The following LRP1 variants were observed in gnomAD, a reference collection of about 807,000 sequenced individuals.
LRP1 encodes prolow-density lipoprotein receptor-related protein 1.
Under a neutral mutation model 541.5 loss-of-function variants are expected in LRP1, and 51 were observed. That is an observed-to-expected ratio of 0.09 (90% CI 0.08 to 0.12). The LOEUF is 0.12. LRP1 is among the 10% of genes least tolerant of loss of function. LRP1 has a pLI of 1.00. For missense variants in LRP1, 3,878 were observed against 6,376.2 expected, an observed-to-expected ratio of 0.61 and a Z score of 13.34; for synonymous variants, 2,219 against 2,470.8, an observed-to-expected ratio of 0.90 and a Z score of 3.02.
rs775036140 is a variant in LRP1, at chr12:57,211,389, C to T, written c.13091+39C>T. On this transcript the variant is annotated intron_variant, in intron 84 of 88. Coordinates refer to ENST00000243077, the MANE Select transcript of LRP1 (RefSeq NM_002332.3). The surrounding 1 kb of genome is among the most constrained non-coding windows in gnomAD (Gnocchi z 4.3). The stretch of plus-strand genomic sequence containing the variant: ...TCCTCCACAGTTCCACCCAGCTGGG[C>T]CCCTGCCCTGTCCTAGCCCTGCCCT... 2.5e-6 allele frequency: 4 copies of T among 1,610,458 alleles called. No individual in the cohort carries two copies. Among genetic ancestry groups the T allele is most frequent in the Non-Finnish European group, 3.4e-6 (4 of 1,178,732 alleles).
chr12:57,146,508 C>G lies in LRP1; in HGVS notation c.841+1018C>G, dbSNP rs1158965946. ...GCCTCTCTAGAAGATCTTCAAGTTTCTTTATTTGGTTCTTGTGATGAAAAG... is the reference window on the plus strand; with the variant it reads ...GCCTCTCTAGAAGATCTTCAAGTTTGTTTATTTGGTTCTTGTGATGAAAAG... On this transcript the variant is annotated intron_variant, in intron 6 of 88. Transcript: ENST00000243077. 4 of 152,252 alleles carry G rather than the reference C, an allele frequency of 2.6e-5. No homozygotes were observed. The South Asian group carries it at 8.3e-4, about 32-fold the overall frequency. 9.4% of individuals were successfully genotyped at this position (152,252 alleles called of 1,614,324 possible).
chr12:57,130,617 GA>G (rs983569595), intron 1 of LRP1, among the ~76,000 whole-genome samples: 2 of 151,854 alleles, frequency 1.3e-5, no homozygotes, highest in Non-Finnish European at 2.9e-5. Context: ...GGGAGGAATA[GA>G]AAAAAAATTT....
intron 20 of LRP1, among the ~76,000 whole-genome samples, chr12:57,170,820 G>GA (rs1350588759): frequency 2.0e-5 from 3 of 151,080 alleles, no homozygotes; most frequent in East Asian, 1.9e-4. Flanking sequence ...TGTCTCAAAA[G>GA]AAAAAAAAAG....
At chr12:57,188,902 A>C (rs1357367868) in intron 42 of LRP1, among the ~76,000 whole-genome samples, 1 of 152,178 alleles carries the variant, frequency 6.6e-6, no homozygotes, top group Admixed American at 6.5e-5. Context: ...CCCAGTGCCC[A>C]GGAGAAAGAG....
chr12:57,197,396 A>G lies in LRP1; in HGVS notation c.9162+12A>G, dbSNP rs773584523. The G allele has an allele frequency of 1.2e-6, 2 of 1,611,350 alleles. No individual in the cohort carries two copies. Among genetic ancestry groups the G allele is most frequent in the South Asian group, 2.2e-5 (2 of 90,850 alleles). ...CGTTACTTAAGCAGGTACCAAACCCAGGCCCTCCTCCCCGCTGCCCATCTC... is the reference window on the plus strand; with the variant it reads ...CGTTACTTAAGCAGGTACCAAACCCGGGCCCTCCTCCCCGCTGCCCATCTC... On this transcript the variant is annotated intron_variant, in intron 57 of 88. Transcript: ENST00000243077. The surrounding 1 kb of genome is among the most constrained non-coding windows in gnomAD (Gnocchi z 4.5).
At position 57,173,324 on chromosome 12, in the gene LRP1, G is replaced by A; in HGVS notation, c.3320G>A (p.Ser1107Asn). 6.2e-7 allele frequency: 1 copy of A among 1,613,766 alleles called. No individual in the cohort carries two copies. The highest frequency in any genetic ancestry group is 2.2e-5 in the East Asian group (1 of 44,870). ...CEGVTHVCDP[S>N]VKFGCKDSAR... Reference sequence around the variant, plus strand: ...GGAGTGACCCACGTCTGCGATCCCAGTGTCAAGTTTGGCTGCAAGGACTCA... The same window carrying A: ...GGAGTGACCCACGTCTGCGATCCCAATGTCAAGTTTGGCTGCAAGGACTCA... Residue 1107 changes from serine to asparagine, a missense_variant, in exon 21 of 89, where the codon AGT becomes AAT. Physicochemically the swap from Ser to Asn is conservative, Grantham distance 46. Coordinates refer to ENST00000243077, the MANE Select transcript of LRP1 (RefSeq NM_002332.3). The surrounding 1 kb of genome is among the most constrained non-coding windows in gnomAD (Gnocchi z 4.7).
At chr12:57,148,522 A>G (rs936347418) in intron 6 of LRP1, among the ~76,000 whole-genome samples, 1 of 152,060 alleles carries the variant, frequency 6.6e-6, no homozygotes, top group African/African-American at 2.4e-5. Flanking sequence ...GCCTCCTGCC[A>G]GGCTGCCCCT....
chr12:57,181,185 C>T lies in LRP1; in HGVS notation c.5556C>T (p.Val1852=), dbSNP rs1485817610. The part of the protein sequence containing the change: ...LDHKGTNPCS[V]NNGDCSQLCL... ...ATAAGGGCACCAACCCCTGCAGTGT[C>T]AACAACGGTGACTGCTCCCAGCTCT... The change falls in exon 34 of 89, where the codon GTC becomes GTT. Residue 1852 remains valine, a synonymous_variant. Coordinates refer to ENST00000243077, the MANE Select transcript of LRP1 (RefSeq NM_002332.3). 1.2e-6 allele frequency: 2 copies of T among 1,613,794 alleles called. No individual in the cohort carries two copies. The highest frequency in any genetic ancestry group is 2.2e-5 in the South Asian group (2 of 91,080).
At position 57,212,780 on chromosome 12, in the gene LRP1, G is replaced by A; in HGVS notation, c.*225G>A. 1.9e-6 allele frequency: 1 copy of A among 524,176 alleles called. No homozygotes were observed. Among genetic ancestry groups the A allele is most frequent in the Non-Finnish European group, 3.3e-6 (1 of 299,124 alleles). 32.5% of individuals were successfully genotyped at this position (524,176 alleles called of 1,614,324 possible). A position where few individuals can be genotyped will look rare whatever the true frequency, so the allele number is the denominator to read the frequency against. On this transcript the variant is annotated 3_prime_UTR_variant, in exon 89 of 89. Transcript: ENST00000243077. This position sits in a 1 kb window ranked among gnomAD's most constrained non-coding sequence, Gnocchi z 5.0. ...CCTTGGCACCCCCATGCTGCCTTCA[G>A]GGAGACAGGCAGGGAGGGCTTGGGG...
Position 57,210,155 on chromosome 12 carries a change from C to G in LRP1, c.12566C>G (p.Thr4189Arg). The G allele has an allele frequency of 2.5e-6, 4 of 1,602,644 alleles. No homozygotes were observed. Among genetic ancestry groups the G allele is most frequent in the Non-Finnish European group, 3.4e-6 (4 of 1,174,044 alleles). The change falls in exon 81 of 89, where the codon ACG becomes AGG. Residue 4189 changes from threonine (T) to arginine (R), a missense_variant. Physicochemically the swap from Thr to Arg is moderately conservative, Grantham distance 71. Around this residue, in one of 13 missense-constraint regions of LRP1, gnomAD observed 871 missense variants for 1,212.4 expected, o/e 0.72. Transcript: ENST00000243077. ...NGTCVPVPSP[T>R]PPPDAPRPGT... ...ACATGCGTGCCTGTGCCCTCTCCAA[C>G]GCCCCCCCCAGATGGTATGCTTATG...
chr12:57,146,048 T>A (rs960004265), intron 6 of LRP1, among the ~76,000 whole-genome samples: 1 of 152,050 alleles, frequency 6.6e-6, no homozygotes, highest in Non-Finnish European at 1.5e-5. Context: ...GTGAGCCACA[T>A]GAGATTTTAG....
intron 1 of LRP1, among the ~76,000 whole-genome samples, chr12:57,136,683 G>A (rs2035177940): frequency 2.6e-5 from 4 of 152,226 alleles, no homozygotes; most frequent in Non-Finnish European, 5.9e-5. Flanking sequence ...TCCTCCTGTG[G>A]AGGATGTGGT....
intron 1 of LRP1, among the ~76,000 whole-genome samples, chr12:57,133,757 C>T (rs1246909939): frequency 1.3e-5 from 2 of 151,734 alleles, no homozygotes; most frequent in South Asian, 2.1e-4. Context: ...CTGCTGTGTC[C>T]ACTCTTAAAA....
At chr12:57,129,087 C>G (rs1436020026) in intron 1 of LRP1, 56 bp downstream of exon 1, 1 of 1,513,298 alleles carries the variant, frequency 6.6e-7, no homozygotes, top group Admixed American at 2.0e-5. Flanking sequence ...TCCCCAGCCC[C>G]CACTCCTGCA....
chr12:57,172,111 G>A (rs2035956446), intron 20 of LRP1, among the ~76,000 whole-genome samples: 1 of 148,904 alleles, frequency 6.7e-6, no homozygotes, highest in Non-Finnish European at 1.5e-5. Context: ...TCAGGCTGGA[G>A]TACAGTGGCG....
At position 57,177,287 on chromosome 12, in the gene LRP1, C is replaced by G. The variant is rs200529086; in HGVS notation, c.4196+42C>G. The G allele has an allele frequency of 6.2e-7, 1 of 1,604,300 alleles. No homozygotes were observed. The highest frequency in any genetic ancestry group is 8.5e-7 in the Non-Finnish European group (1 of 1,172,652). The stretch of plus-strand genomic sequence containing the variant: ...GCCTTCTCCTGGCCCCATGGCCCCC[C>G]TGAAGTCCCATTCAGCCTGGCCAGG... On this transcript the variant is annotated intron_variant, in intron 25 of 88. Transcript: ENST00000243077. This position sits in a 1 kb window ranked among gnomAD's most constrained non-coding sequence, Gnocchi z 6.8.
chr12:57,209,614 C>T, intron 79 of LRP1, 78 bp from the exon 80 acceptor site: 2 of 1,256,022 alleles, frequency 1.6e-6, no homozygotes, highest in Non-Finnish European at 2.3e-6. Context: ...CTGGGAACCA[C>T]AGGTGCCAGT....
intron 20 of LRP1, among the ~76,000 whole-genome samples, chr12:57,171,934 C>G (rs1428496773): frequency 2.0e-5 from 3 of 152,148 alleles, no homozygotes; most frequent in Non-Finnish European, 4.4e-5. Context: ...TACTGGCTCC[C>G]TGCACCCTTG....
At position 57,203,422 on chromosome 12, in the gene LRP1, T is replaced by C; in HGVS notation, c.10852T>C (p.Phe3618Leu). 1.2e-6 allele frequency: 2 copies of C among 1,610,036 alleles called. No homozygotes were observed. Among genetic ancestry groups the C allele is most frequent in the Non-Finnish European group, 1.7e-6 (2 of 1,178,144 alleles). ...DCTPRCDMDQ[F>L]QCKSGHCIPL... ...CACCCCCCGCTGTGACATGGACCAG[T>C]TCCAGTGCAAGAGCGGCCACTGCAT... The change falls in exon 70 of 89, where the codon TTC (phenylalanine) becomes CTC (leucine). Residue 3618 changes from phenylalanine (F) to leucine (L), a missense_variant. This residue lies in a region of LRP1 where 278 missense variants were observed against 536.3 expected (regional missense o/e 0.52). Transcript: ENST00000243077.
Sources: allele counts gnomAD v4.1 joint callset (sites outside exome capture counted in the v4.1 genomes callset), GRCh38; gene constraint gnomAD v4.1.1; regional missense constraint gnomAD v4.1.1; non-coding constraint Gnocchi (gnomAD v3.1); transcripts MANE v1.5; gene names NCBI Gene and HGNC (gene_info 2026-07-23, HGNC 2026-07-21).